TLE4: variants seen among roughly 807,000 people sequenced by gnomAD.
The protein encoded by TLE4 is transducin-like enhancer protein 4.
In TLE4, 8 loss-of-function variants were observed where a neutral mutation model predicts 92.8. The observed-to-expected ratio is 0.09, with a 90% CI of 0.05 to 0.16. TLE4 has a LOEUF of 0.16. Ranked by LOEUF, TLE4 falls within the 10% of genes least tolerant of loss-of-function variation. The pLI is 1.00. For missense variants in TLE4, 675 were observed against 997.6 expected (o/e 0.68, Z 4.36); for synonymous variants, 371 against 374.1 (o/e 0.99, Z 0.10).
chr9:79,724,878 A>AAAAAAAAAAC (rs2076225359), intron 19 of TLE4, among the ~76,000 whole-genome samples, 159 bp from the exon 20 acceptor site: 1 of 149,114 alleles, frequency 6.7e-6, no homozygotes, highest in African/African-American at 2.5e-5. Context: ...AAAAAAAAAA[A>AAAAAAAAAAC]AAAGCAGCAG....
chr9:79,575,216 G>A (rs1010447844), intron 3 of TLE4, among the ~76,000 whole-genome samples: 7 of 152,060 alleles, frequency 4.6e-5, no homozygotes, highest in African/African-American at 1.7e-4. Context: ...ACAAAACCTT[G>A]TTTGTTTTGT....
intron 7 of TLE4, 32 bp from the exon 8 acceptor site, chr9:79,654,027 A>G (rs766550301): frequency 4.3e-6 from 7 of 1,613,220 alleles, no homozygotes; most frequent in Non-Finnish European, 5.1e-6. Context: ...CCACCACTTT[A>G]TCTGCTTGTG....
At chr9:79,695,222 A>T (rs1335277043) in intron 8 of TLE4, among the ~76,000 whole-genome samples, 1 of 152,190 alleles carries the variant, frequency 6.6e-6, no homozygotes, top group Admixed American at 6.5e-5. Context: ...GGAGAGCAGC[A>T]GTGAAAAGGC....
chr9:79,611,260 G>C (rs1049030801), intron 4 of TLE4, among the ~76,000 whole-genome samples: 4 of 152,092 alleles, frequency 2.6e-5, no homozygotes, highest in Admixed American at 1.3e-4. Context: ...CATGGGGCCA[G>C]TGCAGTAAAT....
intron 6 of TLE4, among the ~76,000 whole-genome samples, chr9:79,640,689 A>G (rs1587691910): frequency 6.6e-6 from 1 of 152,050 alleles, no homozygotes; most frequent in Admixed American, 6.6e-5. Flanking sequence ...GTTCTTTGCA[A>G]CCTGTACTGC....
intron 8 of TLE4, among the ~76,000 whole-genome samples, chr9:79,661,501 T>G (rs2060528593): frequency 6.6e-6 from 1 of 152,178 alleles, no homozygotes; most frequent in Non-Finnish European, 1.5e-5. Context: ...AACTGCCTTG[T>G]GAAAGGGTTG....
intron 5 of TLE4, among the ~76,000 whole-genome samples, chr9:79,613,915 A>G (rs1035053602): frequency 2.6e-5 from 4 of 152,132 alleles, no homozygotes; most frequent in Non-Finnish European, 4.4e-5. Context: ...CTGAATTCAC[A>G]TGCTCTTTTG....
intron 8 of TLE4, among the ~76,000 whole-genome samples, chr9:79,667,587 C>T (rs143982594): frequency 2.0e-5 from 3 of 152,176 alleles, no homozygotes; most frequent in African/African-American, 4.8e-5. Flanking sequence ...AGTCTGTTTA[C>T]GGATGTGTAT....
At chr9:79,647,303 G>C (rs2134068520) in intron 6 of TLE4, among the ~76,000 whole-genome samples, 1 of 152,240 alleles carries the variant, frequency 6.6e-6, no homozygotes, top group African/African-American at 2.4e-5. Context: ...AATATATAGA[G>C]ACATATGACC....
At chr9:79,648,113 T>A (rs1049575174) in intron 6 of TLE4, among the ~76,000 whole-genome samples, 5 of 152,164 alleles carry the variant, frequency 3.3e-5, no homozygotes, top group Admixed American at 1.3e-4. Context: ...GATGCTAGTT[T>A]ATGGAAAGTC....
chr9:79,624,556 A>G (rs948107204), intron 5 of TLE4, among the ~76,000 whole-genome samples: 2 of 152,210 alleles, frequency 1.3e-5, no homozygotes, highest in Non-Finnish European at 2.9e-5. Context: ...CATCAAAAAG[A>G]AGAAGCTGAA....
chr9:79,651,511 G>A (rs895914990), intron 6 of TLE4, among the ~76,000 whole-genome samples: 11 of 152,152 alleles, frequency 7.2e-5, no homozygotes, highest in African/African-American at 2.7e-4. Flanking sequence ...ACTGGTGCAT[G>A]CATCACAGTC....
At chr9:79,654,595 A>G (rs1036732945) in intron 8 of TLE4, among the ~76,000 whole-genome samples, 1 of 151,562 alleles carries the variant, frequency 6.6e-6, no homozygotes, top group African/African-American at 2.4e-5. Context: ...GGTATCTGGT[A>G]TAACAAGTTA....
chr9:79,724,690 T>A (rs1026986559), intron 19 of TLE4, among the ~76,000 whole-genome samples: 2 of 150,968 alleles, frequency 1.3e-5, no homozygotes, highest in Non-Finnish European at 3.0e-5. Context: ...CAAAAAAAGT[T>A]TGAAAATTAG....
At chr9:79,708,934 C>A in intron 13 of TLE4, 148 bp downstream of exon 13, 1 of 946,658 alleles carries the variant, frequency 1.1e-6, no homozygotes, top group Non-Finnish European at 1.5e-6. Flanking sequence ...TGGGCTTAAG[C>A]GATCCTCCCA....
chr9:79,695,072 G>C (rs2067935202), intron 8 of TLE4, among the ~76,000 whole-genome samples: 1 of 152,056 alleles, frequency 6.6e-6, no homozygotes, highest in South Asian at 2.1e-4. Flanking sequence ...CCCTCTTATA[G>C]GAAAGATTAA....
At chr9:79,601,459 G>T (rs1175843812) in intron 4 of TLE4, 1 of 455,564 alleles carries the variant, frequency 2.2e-6, no homozygotes. Flanking sequence ...CCTGAATGGA[G>T]CTGTTCTTCC....
chr9:79,719,093 AG>A, intron 15 of TLE4, 122 bp downstream of exon 15: 7 of 1,391,932 alleles, frequency 5.0e-6, no homozygotes, highest in Non-Finnish European at 6.7e-6. Context: ...GTTGCTCTTC[AG>A]GGGACTGCGA....
intron 9 of TLE4, among the ~76,000 whole-genome samples, chr9:79,705,261 C>T (rs1392086186): frequency 1.3e-5 from 2 of 152,158 alleles, no homozygotes; most frequent in Non-Finnish European, 2.9e-5. Flanking sequence ...TGTTTAAATG[C>T]CTAGATGGAT....
Sources: allele counts gnomAD v4.1 joint callset (sites outside exome capture counted in the v4.1 genomes callset), GRCh38; gene constraint gnomAD v4.1.1; transcripts MANE v1.5; gene names NCBI Gene and HGNC (gene_info 2026-07-23, HGNC 2026-07-21).